GRIP1: variants seen among roughly 807,000 people sequenced by gnomAD.
GRIP1 encodes the protein glutamate receptor-interacting protein 1.
A neutral mutation model predicts 129.9 loss-of-function variants in GRIP1; 45 were observed. That is an observed-to-expected ratio of 0.35 (90% CI 0.27 to 0.44). The LOEUF (loss-of-function observed/expected upper bound fraction) is 0.44. Among genes scored for constraint, GRIP1 ranks in the 20% least tolerant of loss-of-function variants. The pLI, the probability that GRIP1 is intolerant of heterozygous loss-of-function variation, is 1.00. For synonymous variants in GRIP1, 530 were observed against 520.8 expected, an observed-to-expected ratio of 1.02 and a Z score of -0.24; for missense variants, 1,196 against 1,396.8, an observed-to-expected ratio of 0.86 and a Z score of 2.29.
intron 1 of GRIP1, among the ~76,000 whole-genome samples, chr12:66,745,032 A>G (rs2036902433): frequency 6.6e-6 from 1 of 152,146 alleles, no homozygotes; most frequent in Non-Finnish European, 1.5e-5. Context: ...CAAACATTTT[A>G]CACGTCACCT....
At chr12:66,946,712 C>G (rs1166988556) in intron 1 of GRIP1, among the ~76,000 whole-genome samples, 4 of 143,692 alleles carry the variant, frequency 2.8e-5, no homozygotes, top group Non-Finnish European at 6.0e-5. Context: ...AATGCTTGGG[C>G]TGGCCATGGT....
At chr12:66,700,227 G>T (rs981828687) in intron 1 of GRIP1, among the ~76,000 whole-genome samples, 10 of 152,256 alleles carry the variant, frequency 6.6e-5, no homozygotes, top group Admixed American at 2.0e-4. Flanking sequence ...CATCAGTGAA[G>T]GAATGGATCT....
chr12:66,758,626 T>C (rs1327963963), intron 1 of GRIP1, among the ~76,000 whole-genome samples: 1 of 152,206 alleles, frequency 6.6e-6, no homozygotes, highest in African/African-American at 2.4e-5. Flanking sequence ...CTTCTGCCTA[T>C]GAGCCTGCAA....
chr12:66,823,985 C>A (rs561235008), intron 1 of GRIP1, among the ~76,000 whole-genome samples: 1 of 152,304 alleles, frequency 6.6e-6, no homozygotes, highest in African/African-American at 2.4e-5. Flanking sequence ...CTATTAATAG[C>A]TCTATCCTTT....
intron 1 of GRIP1, among the ~76,000 whole-genome samples, chr12:66,609,742 AT>A (rs1244224984): frequency 1.3e-5 from 2 of 152,160 alleles, no homozygotes; most frequent in Non-Finnish European, 2.9e-5. Context: ...TTTTGAACTG[AT>A]TTTGGAGCAT....
chr12:67,006,472 T>C (rs2042628193), intron 1 of GRIP1, among the ~76,000 whole-genome samples: 2 of 151,650 alleles, frequency 1.3e-5, no homozygotes, highest in South Asian at 4.2e-4. Flanking sequence ...GGTATAAAGG[T>C]GTGTAGGGGA....
At chr12:66,518,033 A>C in intron 5 of GRIP1, 57 bp from the exon 6 acceptor site, 1 of 939,902 alleles carries the variant, frequency 1.1e-6, no homozygotes, top group Non-Finnish European at 1.8e-6. Context: ...ATTTAAAAAA[A>C]ATCACCTACA....
At chr12:66,364,232 C>T (rs1168345) in intron 23 of GRIP1, among the ~76,000 whole-genome samples, 66,804 of 136,064 alleles carry the variant, frequency 0.49, 16,559 homozygotes, top group East Asian at 0.58. Context: ...CACCACTGCA[C>T]TCCAGCCTGG....
At chr12:66,378,808 G>A (rs1468937021) in intron 20 of GRIP1, among the ~76,000 whole-genome samples, 1 of 152,042 alleles carries the variant, frequency 6.6e-6, no homozygotes, top group Non-Finnish European at 1.5e-5. Context: ...TTAGGCACAT[G>A]TGGTGGCACA....
intron 11 of GRIP1, 28 bp from the exon 12 acceptor site, chr12:66,445,536 T>C (rs766839186): frequency 6.4e-7 from 1 of 1,567,044 alleles, no homozygotes; most frequent in Non-Finnish European, 8.7e-7. Context: ...AAATACTGAC[T>C]TTAGGTTGGA....
chr12:66,475,606 G>A (rs919686166), intron 7 of GRIP1, among the ~76,000 whole-genome samples: 5 of 151,958 alleles, frequency 3.3e-5, no homozygotes, highest in African/African-American at 9.7e-5. Flanking sequence ...AATGTAAAAG[G>A]ACAGAAATTA....
intron 1 of GRIP1, among the ~76,000 whole-genome samples, chr12:66,974,327 G>A (rs191303423): frequency 2.6e-5 from 4 of 152,160 alleles, no homozygotes; most frequent in Admixed American, 2.6e-4. Flanking sequence ...TTGCTATCTT[G>A]TTTCTCCTTA....
intron 1 of GRIP1, among the ~76,000 whole-genome samples, chr12:66,676,328 T>C (rs1004906814): frequency 4.6e-5 from 7 of 152,186 alleles, no homozygotes; most frequent in African/African-American, 1.7e-4. Flanking sequence ...TTCCATCATT[T>C]TCTCCTTAAG....
At chr12:66,820,009 C>T (rs1363396591) in intron 1 of GRIP1, among the ~76,000 whole-genome samples, 1 of 152,188 alleles carries the variant, frequency 6.6e-6, no homozygotes, top group African/African-American at 2.4e-5. Context: ...TCTGGAGGCA[C>T]CTTACTTTAG....
chr12:66,674,629 T>C (rs1472225244), intron 1 of GRIP1, among the ~76,000 whole-genome samples: 2 of 152,188 alleles, frequency 1.3e-5, no homozygotes, highest in Admixed American at 6.6e-5. Context: ...ATAAGATTAC[T>C]GGTTGTCTGA....
chr12:66,615,402 T>C (rs2064997282), intron 1 of GRIP1, among the ~76,000 whole-genome samples: 1 of 151,950 alleles, frequency 6.6e-6, no homozygotes, highest in Admixed American at 6.6e-5. Flanking sequence ...AAGAGAGAGG[T>C]GGAGTCAGGC....
chr12:66,906,278 C>CA (rs2040930668), intron 1 of GRIP1, among the ~76,000 whole-genome samples: 1 of 151,282 alleles, frequency 6.6e-6, no homozygotes, highest in South Asian at 2.1e-4. Flanking sequence ...AAGAAACAAA[C>CA]AAAAAAATTA....
intron 1 of GRIP1, among the ~76,000 whole-genome samples, chr12:66,803,160 T>A (rs1417161767): frequency 6.6e-6 from 1 of 152,212 alleles, no homozygotes; most frequent in Non-Finnish European, 1.5e-5. Context: ...TGATTAGACA[T>A]CAAAAGACCA....
chr12:66,630,214 G>A (rs1342019242), intron 1 of GRIP1: 1 of 152,170 alleles, frequency 6.6e-6, no homozygotes, highest in Non-Finnish European at 1.5e-5. Flanking sequence ...TCTGGGCATG[G>A]TGGTGCATAC....
Sources: allele counts gnomAD v4.1 joint callset (sites outside exome capture counted in the v4.1 genomes callset), GRCh38; gene constraint gnomAD v4.1.1; transcripts MANE v1.5; gene names NCBI Gene and HGNC (gene_info 2026-07-23, HGNC 2026-07-21).